ABCB1: variants seen among roughly 807,000 people sequenced by gnomAD.
ABCB1 encodes the protein ATP-dependent translocase ABCB1.
In ABCB1, 69 loss-of-function variants were observed where a neutral mutation model predicts 142.0. That is an observed-to-expected ratio of 0.49 (90% CI 0.40 to 0.59). ABCB1 has a LOEUF of 0.59. Ranked by LOEUF, ABCB1 falls within the 20% of genes least tolerant of loss-of-function variation. The probability of loss-of-function intolerance (pLI) is 0.00; values close to 1 mark genes in which losing one functional copy is unlikely to be tolerated. For missense variants in ABCB1, 1,326 were observed against 1,554.7 expected, an observed-to-expected ratio of 0.85 and a Z score of 2.47; for synonymous variants, 532 against 539.2, an observed-to-expected ratio of 0.99 and a Z score of 0.18.
intron 20 of ABCB1, among the ~76,000 whole-genome samples, chr7:87,535,373 C>T (rs1816245104): frequency 1.4e-5 from 2 of 145,668 alleles, no homozygotes; most frequent in African/African-American, 5.1e-5. Flanking sequence ...CTTGCTTTGT[C>T]ACCCAGGCTG....
At position 87,504,335 on chromosome 7, in the gene ABCB1, C is replaced by T. The variant is rs28364274; in HGVS notation, c.3751G>A (p.Val1251Ile). ...DLIVVFQNGRVKEHGTHQQLL... is the reference protein window; with the variant it reads ...DLIVVFQNGRIKEHGTHQQLL... ...TGCTGATGCGTGCCATGCTCCTTGACTCTGCCATTCTGAAACACCACTATT... is the reference window on the plus strand; with the variant it reads ...TGCTGATGCGTGCCATGCTCCTTGATTCTGCCATTCTGAAACACCACTATT... The change falls in exon 28 of 28, where the codon GTC becomes ATC. Residue 1251 changes from valine to isoleucine, a missense_variant. Transcript: ENST00000622132. 2,628 of 1,614,050 alleles carry T rather than the reference C, an allele frequency of 1.6e-3. 68 individuals carry two copies. In the Admixed American group the frequency reaches 0.035, roughly 22 times the overall value.
chr7:87,660,027 G>T (rs1003684788), intron 1 of ABCB1, among the ~76,000 whole-genome samples: 4 of 152,086 alleles, frequency 2.6e-5, no homozygotes, highest in African/African-American at 4.8e-5. Context: ...TAACATTTTA[G>T]AGGTTTAGGT....
intron 1 of ABCB1, among the ~76,000 whole-genome samples, chr7:87,646,258 A>G (rs889564141): frequency 6.6e-6 from 1 of 152,174 alleles, no homozygotes; most frequent in African/African-American, 2.4e-5. Flanking sequence ...TGATGATATG[A>G]AAATATATGC....
In ABCB1 at chr7:87,626,349, A is replaced by ATATGTGTCG. The variant is rs1261437515; in HGVS notation, c.-330-25272_-330-25271insCGACACATA. The stretch of plus-strand genomic sequence containing the variant: ...TATATATGTGTCGTATATGTGTCAT[A>ATATGTGTCG]TATATGTGTCATATATATGTGTCAT... On this transcript the variant is annotated intron_variant, in intron 1 of 28. Transcript: ENST00000265724. 3.2e-4 allele frequency among the ~76,000 whole-genome samples: 10 copies of ATATGTGTCG among 31,056 alleles called. 2 individuals are homozygous for ATATGTGTCG. Among genetic ancestry groups the ATATGTGTCG allele is most frequent in the Non-Finnish European group, 4.4e-4 (9 of 20,420 alleles). The allele number at this position is 31,056 out of a possible 152,430, so 20.4% of individuals were successfully genotyped here.
At chr7:87,525,484 T>C (rs534498488) in intron 21 of ABCB1, among the ~76,000 whole-genome samples, 1 of 152,272 alleles carries the variant, frequency 6.6e-6, no homozygotes, top group East Asian at 1.9e-4. Flanking sequence ...TAGCCTGCTG[T>C]CAACCAGAAG....
At chr7:87,624,703 A>G (rs952359351) in intron 1 of ABCB1, among the ~76,000 whole-genome samples, 1 of 152,220 alleles carries the variant, frequency 6.6e-6, no homozygotes, top group African/African-American at 2.4e-5. Flanking sequence ...GAGTTCTATA[A>G]TAGTATTATG....
chr7:87,676,444 T>C (rs536947427), intron 1 of ABCB1, among the ~76,000 whole-genome samples: 6 of 152,252 alleles, frequency 3.9e-5, no homozygotes, highest in Admixed American at 2.6e-4. Flanking sequence ...CTCACACCTA[T>C]AATTCCATCA....
intron 1 of ABCB1, among the ~76,000 whole-genome samples, chr7:87,691,121 A>G (rs1056506520): frequency 1.3e-5 from 2 of 152,166 alleles, no homozygotes; most frequent in Non-Finnish European, 2.9e-5. Flanking sequence ...TATCATATTC[A>G]TGAATTAGAA....
intron 21 of ABCB1, among the ~76,000 whole-genome samples, chr7:87,525,525 A>C (rs1036302258): frequency 6.6e-6 from 1 of 152,162 alleles, no homozygotes; most frequent in Non-Finnish European, 1.5e-5. Context: ...GTCAATTAAC[A>C]TGTATTTTGT....
chr7:87,519,297 G>T, intron 23 of ABCB1, 29 bp downstream of exon 23: 1 of 1,605,638 alleles, frequency 6.2e-7, no homozygotes, highest in Non-Finnish European at 8.5e-7. Flanking sequence ...TATTTTTAGA[G>T]CTTAACTAAA....
intron 1 of ABCB1, chr7:87,700,350 T>A (rs75352149): frequency 7.8e-7 from 1 of 1,285,114 alleles, no homozygotes; most frequent in African/African-American, 1.5e-5. Flanking sequence ...CAGAATTTTA[T>A]TGTTCTTGCA....
chr7:87,508,504 C>T (rs186981218), intron 26 of ABCB1, among the ~76,000 whole-genome samples: 3 of 152,254 alleles, frequency 2.0e-5, no homozygotes, highest in African/African-American at 7.2e-5. Context: ...AACTAATACA[C>T]AGGACCTAAG....
intron 1 of ABCB1, among the ~76,000 whole-genome samples, chr7:87,703,171 A>G (rs567841072): frequency 1.6e-4 from 25 of 152,324 alleles, no homozygotes; most frequent in Admixed American, 1.2e-3. Context: ...TTATGTGTCT[A>G]TGTAATAACC....
chr7:87,563,684 A>C (rs937825483), intron 7 of ABCB1, among the ~76,000 whole-genome samples: 3 of 152,246 alleles, frequency 2.0e-5, no homozygotes, highest in Non-Finnish European at 4.4e-5. Context: ...ACAAACTTAC[A>C]GCTAACATTA....
At position 87,516,628 on chromosome 7, in the gene ABCB1, C is replaced by T; in HGVS notation, c.2965G>A (p.Gly989Arg). ...TCAGGAGCAAATGAACTGACTTGCC[C>T]CACGGCCATGGCACCAAAGACAACA... ...SAVVFGAMAV[G>R]QVSSFAPDYA... is the part of the protein sequence containing the mutation. The change falls in exon 24 of 28, where the codon GGG (glycine) becomes AGG (arginine). Residue 989 changes from glycine (G) to arginine (R), a missense_variant. Transcript: ENST00000622132. 6.2e-7 allele frequency: 1 copy of T among 1,614,022 alleles called. No homozygotes were observed. Among genetic ancestry groups the T allele is most frequent in the Non-Finnish European group, 8.5e-7 (1 of 1,180,020 alleles).
chr7:87,587,642 C>A (rs889120488), intron 3 of ABCB1, among the ~76,000 whole-genome samples: 1 of 151,934 alleles, frequency 6.6e-6, no homozygotes, highest in African/African-American at 2.4e-5. Context: ...GAGGCCAAGG[C>A]GGGCAGATCA....
At chr7:87,551,645 C>A (rs1340908540) in intron 9 of ABCB1, among the ~76,000 whole-genome samples, 1 of 146,912 alleles carries the variant, frequency 6.8e-6, no homozygotes, top group Admixed American at 7.2e-5. Flanking sequence ...CAAGTGCCAC[C>A]ATATCTGGCT....
At chr7:87,652,268 A>C (rs1319959983) in intron 1 of ABCB1, among the ~76,000 whole-genome samples, 2 of 152,074 alleles carry the variant, frequency 1.3e-5, no homozygotes, top group African/African-American at 2.4e-5. Flanking sequence ...ATAGAAAACT[A>C]TCAATAGCAA....
chr7:87,648,109 G>A lies in ABCB1; in HGVS notation c.-330-47031C>T, dbSNP rs189769207. On this transcript the variant is annotated intron_variant, in intron 1 of 28. Transcript: ENST00000265724. ...CTGAGGCAGGAGAATGGCGTGAACC[G>A]GGGTGGCATAGCTTACAGTGAGCCA... Among the ~76,000 whole-genome samples, 75 of 151,286 alleles carry A rather than the reference G, an allele frequency of 5.0e-4. No individual in the cohort carries two copies. The East Asian group carries it at 9.5e-3, about 19-fold the overall frequency.
Sources: allele counts gnomAD v4.1 joint callset (sites outside exome capture counted in the v4.1 genomes callset), GRCh38; gene constraint gnomAD v4.1.1; transcripts MANE v1.5; gene names NCBI Gene and HGNC (gene_info 2026-07-23, HGNC 2026-07-21).